The following ADAM22 variants were observed in gnomAD, a reference collection of about 807,000 sequenced individuals.
ADAM22 encodes disintegrin and metalloproteinase domain-containing protein 22.
In ADAM22, 65 loss-of-function variants were observed where a neutral mutation model predicts 144.6. The ratio of observed to expected loss-of-function variants is 0.45; its 90% CI spans 0.37 to 0.55. The LOEUF is 0.55. ADAM22 is among the 20% of genes least tolerant of loss of function. The pLI, the probability that ADAM22 is intolerant of heterozygous loss-of-function variation, is 0.00. For synonymous variants in ADAM22, 391 were observed against 412.6 expected (o/e 0.95, Z 0.63); for missense variants, 974 against 1,184.9 (o/e 0.82, Z 2.61).
intron 3 of ADAM22, among the ~76,000 whole-genome samples, chr7:87,984,516 A>T (rs1256363641): frequency 1.3e-5 from 2 of 152,126 alleles, no homozygotes; most frequent in Admixed American, 1.3e-4. Context: ...AACTTTGAGA[A>T]ATTATAGTTT....
At chr7:88,066,001 C>A (rs1811158685) in intron 3 of ADAM22, among the ~76,000 whole-genome samples, 1 of 151,958 alleles carries the variant, frequency 6.6e-6, no homozygotes, top group Admixed American at 6.6e-5. Context: ...TCATTAGATT[C>A]TTAGGTACAA....
chr7:88,103,558 C>T (rs192114504), intron 4 of ADAM22, among the ~76,000 whole-genome samples: 1 of 151,834 alleles, frequency 6.6e-6, no homozygotes, highest in East Asian at 1.9e-4. Context: ...AACGTTTGTA[C>T]TTTTATGGCT....
At chr7:88,113,801 A>G (rs995617874) in intron 5 of ADAM22, among the ~76,000 whole-genome samples, 26 of 140,088 alleles carry the variant, frequency 1.9e-4, no homozygotes, top group Admixed American at 1.7e-3. Flanking sequence ...TTTGTTTGCT[A>G]TTGTATCCCC....
chr7:88,149,628 A>AT (rs903115727), intron 18 of ADAM22, among the ~76,000 whole-genome samples: 1 of 152,210 alleles, frequency 6.6e-6, no homozygotes, highest in African/African-American at 2.4e-5. Context: ...GTGCCAAACC[A>AT]TAAAAATGAC....
intron 3 of ADAM22, among the ~76,000 whole-genome samples, chr7:87,985,584 T>C (rs1209741593): frequency 6.6e-6 from 1 of 152,202 alleles, no homozygotes; most frequent in African/African-American, 2.4e-5. Context: ...CACTATGTAT[T>C]CTTGTATGTG....
At chr7:88,109,088 A>C (rs1825312968) in intron 5 of ADAM22, among the ~76,000 whole-genome samples, 1 of 152,090 alleles carries the variant, frequency 6.6e-6, no homozygotes, top group Non-Finnish European at 1.5e-5. Context: ...GTAAATGGAA[A>C]CGCCTGACTC....
In ADAM22 at chr7:88,097,155, T is replaced by TC. The variant is rs200827839; in HGVS notation, c.391-11021_391-11020insC. The stretch of plus-strand genomic sequence containing the variant: ...ACCAGAATCTTTTTTTCTTTTCTTT[T>TC]TTTTTTTTTTTTTTGAGACAGAGTC... On this transcript the variant is annotated intron_variant, in intron 4 of 31. Coordinates refer to ENST00000413139, the MANE Select transcript of ADAM22 (RefSeq NM_001324418.2). Among the ~76,000 whole-genome samples, 338 of 146,500 alleles carry TC rather than the reference T, an allele frequency of 2.3e-3. 1 individual carries two copies. The highest frequency in any genetic ancestry group is 6.8e-3 in the African/African-American group (270 of 39,690).
chr7:88,079,294 G>A (rs1156382943), intron 4 of ADAM22, among the ~76,000 whole-genome samples: 1 of 152,154 alleles, frequency 6.6e-6, no homozygotes, highest in Non-Finnish European at 1.5e-5. Context: ...ACAAGCAACT[G>A]CTGAGAGATT....
At chr7:87,992,874 C>T (rs540035521) in intron 3 of ADAM22, among the ~76,000 whole-genome samples, 6 of 152,110 alleles carry the variant, frequency 3.9e-5, no homozygotes, top group Admixed American at 2.6e-4. Flanking sequence ...TGTAGGGAAA[C>T]GGAACCTTTT....
At chr7:87,995,340 A>G (rs1304474760) in intron 3 of ADAM22, among the ~76,000 whole-genome samples, 1 of 152,194 alleles carries the variant, frequency 6.6e-6, no homozygotes, top group East Asian at 1.9e-4. Context: ...ATTAGCCTGC[A>G]AACCCAAGGA....
rs886643011 is a variant in ADAM22 at position 88,020,461 on chromosome 7, A to G, written c.323+42049A>G. On this transcript the variant is annotated intron_variant, in intron 3 of 31. Coordinates refer to ENST00000413139, the MANE Select transcript of ADAM22 (RefSeq NM_001324418.2). ...GCTTGGAGGAGGATGCATATTTGCC[A>G]AGGGGATGGGTTTTGTGATTTGTAC... Among the ~76,000 whole-genome samples, 9 of 152,270 alleles carry G rather than the reference A, an allele frequency of 5.9e-5. No individual in the cohort carries two copies. In the South Asian group the frequency reaches 1.2e-3, roughly 21 times the overall value.
intron 2 of ADAM22, among the ~76,000 whole-genome samples, chr7:87,948,228 C>T (rs1473551492): frequency 6.6e-6 from 1 of 152,124 alleles, no homozygotes; most frequent in Non-Finnish European, 1.5e-5. Flanking sequence ...AAAGTAAAAA[C>T]AAGTCTCTGA....
At chr7:88,010,243 A>G (rs1795047464) in intron 3 of ADAM22, among the ~76,000 whole-genome samples, 1 of 152,098 alleles carries the variant, frequency 6.6e-6, no homozygotes, top group Non-Finnish European at 1.5e-5. Flanking sequence ...TAAATTTCAA[A>G]TGTGTCTGAT....
At chr7:87,982,670 CATATATATATAT>C (rs3086405) in intron 3 of ADAM22, among the ~76,000 whole-genome samples, 2,721 of 38,142 alleles carry the variant, frequency 0.071, 268 homozygotes, top group Non-Finnish European at 0.11. Context: ...TCAGTTATTA[CATATATATATAT>C]ATATATATAT....
intron 17 of ADAM22, among the ~76,000 whole-genome samples, chr7:88,147,968 G>A (rs1035004830): frequency 2.6e-5 from 4 of 152,134 alleles, no homozygotes; most frequent in African/African-American, 7.2e-5. Context: ...CCAGTAGTTA[G>A]AACAGTGCTT....
intron 18 of ADAM22, 100 bp downstream of exon 18, chr7:88,149,157 T>G (rs1586207517): frequency 2.5e-6 from 2 of 793,722 alleles, no homozygotes; most frequent in East Asian, 5.7e-5. Context: ...AAGATGCTCG[T>G]GTCTCTTTCA....
chr7:88,131,665 TTAAA>T, intron 11 of ADAM22: 1 of 542,762 alleles, frequency 1.8e-6, no homozygotes, highest in East Asian at 2.9e-5. Flanking sequence ...TTCAAGATAT[TTAAA>T]TAGAGCATTT....
intron 3 of ADAM22, among the ~76,000 whole-genome samples, chr7:87,997,289 G>A (rs1791463824): frequency 6.6e-6 from 1 of 152,208 alleles, no homozygotes; most frequent in South Asian, 2.1e-4. Context: ...GTAACATTTT[G>A]TAAACTTGGA....
At chr7:88,097,985 A>C (rs1403011847) in intron 4 of ADAM22, among the ~76,000 whole-genome samples, 1 of 152,160 alleles carries the variant, frequency 6.6e-6, no homozygotes, top group African/African-American at 2.4e-5. Flanking sequence ...ACTACATCTC[A>C]GAGAATCTGA....
Sources: allele counts gnomAD v4.1 joint callset (sites outside exome capture counted in the v4.1 genomes callset), GRCh38; gene constraint gnomAD v4.1.1; transcripts MANE v1.5; gene names NCBI Gene and HGNC (gene_info 2026-07-23, HGNC 2026-07-21).